Variants in ARB2A observed in about 807,000 individuals in gnomAD.
ARB2A encodes ARB2 cotranscriptional regulator A, also known as cotranscriptional regulator ARB2A.
the ARB2A span, among the ~76,000 whole-genome samples, chr5:93,823,399 C>A: frequency 6.6e-6 from 1 of 152,054 alleles, no homozygotes; most frequent in East Asian, 1.9e-4. Context: ...GCAATGCATT[C>A]TAGTTAGAAG....
At chr5:93,919,140 T>C in the ARB2A span, among the ~76,000 whole-genome samples, 1 of 152,162 alleles carries the variant, frequency 6.6e-6, no homozygotes. Flanking sequence ...GAAGCAGCAA[T>C]GTTTTAGATA....
At chr5:93,893,327 C>A in the ARB2A span, among the ~76,000 whole-genome samples, 1 of 152,026 alleles carries the variant, frequency 6.6e-6, no homozygotes, top group African/African-American at 2.4e-5. Flanking sequence ...CTTATTCAGA[C>A]CTGAAGAAAA....
At chr5:93,969,319 T>C in the ARB2A span, among the ~76,000 whole-genome samples, 1 of 152,074 alleles carries the variant, frequency 6.6e-6, no homozygotes, top group Non-Finnish European at 1.5e-5. Flanking sequence ...TATAAGGTAC[T>C]TGTACTACAC....
chr5:93,687,759 TAGGGAATTTAATTTCATCACTTGAA>T, the ARB2A span, among the ~76,000 whole-genome samples: 1 of 152,270 alleles, frequency 6.6e-6, no homozygotes, highest in South Asian at 2.1e-4. Context: ...GTGGTATGCT[TAGGGAATTTAATTTCATCACTTGAA>T]TTTTTTTTAG....
chr5:93,740,439 A>G, the ARB2A span: 2 of 905,382 alleles, frequency 2.2e-6, no homozygotes, highest in Non-Finnish European at 3.3e-6. Flanking sequence ...CCCATTCCCT[A>G]CTATGTATCC....
chr5:94,042,507 G>GT, the ARB2A span, among the ~76,000 whole-genome samples: 321 of 151,898 alleles, frequency 2.1e-3, 1 homozygote, highest in Non-Finnish European at 2.8e-3. Context: ...GGTTTTCACC[G>GT]TGTTAGCCAG....
the ARB2A span, among the ~76,000 whole-genome samples, chr5:93,852,682 G>C: frequency 1.3e-5 from 2 of 152,134 alleles, no homozygotes; most frequent in Admixed American, 6.5e-5. Context: ...TGGCTAGCCA[G>C]TTTTCCCAGC....
At chr5:93,649,306 A>G in the ARB2A span, among the ~76,000 whole-genome samples, 1 of 152,220 alleles carries the variant, frequency 6.6e-6, no homozygotes, top group African/African-American at 2.4e-5. Flanking sequence ...TATAAAAGAC[A>G]TCTATTTGAT....
the ARB2A span, among the ~76,000 whole-genome samples, chr5:93,994,300 A>G: frequency 6.6e-6 from 1 of 152,174 alleles, no homozygotes; most frequent in Non-Finnish European, 1.5e-5. Context: ...GAAAGAAAAT[A>G]TGGTTCACAC....
chr5:94,060,397 A>G, the ARB2A span, among the ~76,000 whole-genome samples: 1 of 152,188 alleles, frequency 6.6e-6, no homozygotes, highest in African/African-American at 2.4e-5. Context: ...CCCTATACAC[A>G]TAAATTATAC....
chr5:94,090,602 C>T, the ARB2A span, among the ~76,000 whole-genome samples: 6 of 152,096 alleles, frequency 3.9e-5, no homozygotes, highest in African/African-American at 1.4e-4. Flanking sequence ...TGTCTTGTGC[C>T]AGTTTTCAAA....
chr5:93,859,147 A>C, the ARB2A span, among the ~76,000 whole-genome samples: 1 of 152,190 alleles, frequency 6.6e-6, no homozygotes, highest in South Asian at 2.1e-4. Flanking sequence ...TCAGTGAAAA[A>C]AGAATGTATT....
At chr5:94,032,051 C>A in the ARB2A span, among the ~76,000 whole-genome samples, 1 of 151,964 alleles carries the variant, frequency 6.6e-6, no homozygotes, top group African/African-American at 2.4e-5. Context: ...GCCTGGGAGC[C>A]CAGGCAGAAT....
the ARB2A span, among the ~76,000 whole-genome samples, chr5:93,832,010 G>A: frequency 3.3e-5 from 5 of 152,156 alleles, no homozygotes; most frequent in African/African-American, 1.2e-4. Context: ...TCTTTTATAG[G>A]CTCAACTAAA....
At chr5:94,049,559 GA>G in the ARB2A span, among the ~76,000 whole-genome samples, 1 of 151,220 alleles carries the variant, frequency 6.6e-6, no homozygotes, top group South Asian at 2.1e-4. Flanking sequence ...AAAATTAGGT[GA>G]AACCCCATCT....
the ARB2A span, among the ~76,000 whole-genome samples, chr5:93,998,693 T>A: frequency 6.6e-6 from 1 of 151,996 alleles, no homozygotes; most frequent in Non-Finnish European, 1.5e-5. Context: ...TAAAGAGATA[T>A]TCCATTTAAC....
the ARB2A span, among the ~76,000 whole-genome samples, chr5:94,081,005 T>C: frequency 1.3e-5 from 2 of 152,100 alleles, no homozygotes; most frequent in Non-Finnish European, 2.9e-5. Flanking sequence ...AACTCAATAA[T>C]AAAAAAATTT....
At chr5:93,804,110 A>C in the ARB2A span, among the ~76,000 whole-genome samples, 3 of 152,028 alleles carry the variant, frequency 2.0e-5, no homozygotes, top group African/African-American at 7.2e-5. Flanking sequence ...GACACCATAC[A>C]AAGATAAATT....
chr5:93,735,984 G>A, the ARB2A span: 1 of 152,040 alleles, frequency 6.6e-6, no homozygotes, highest in Admixed American at 6.6e-5. Context: ...TTAAATGGAA[G>A]CATTAAGAGC....
Sources: allele counts gnomAD v4.1 joint callset (sites outside exome capture counted in the v4.1 genomes callset), GRCh38; gene constraint gnomAD v4.1.1; transcripts MANE v1.5; gene names NCBI Gene and HGNC (gene_info 2026-07-23, HGNC 2026-07-21).